The following SULT6B1 variants were observed in gnomAD, a reference collection of about 807,000 sequenced individuals.
SULT6B1 encodes the protein sulfotransferase 6B1.
Under a neutral mutation model 37.2 loss-of-function variants are expected in SULT6B1, and 44 were observed. That is an observed-to-expected ratio of 1.18 (90% CI 0.93 to 1.52). The LOEUF (loss-of-function observed/expected upper bound fraction) is 1.52. Among genes scored for constraint, SULT6B1 ranks in the 40% most tolerant of loss-of-function variants. The pLI is 0.00. For missense variants in SULT6B1, 450 were observed against 361.0 expected (o/e 1.25, Z -2.00); for synonymous variants, 140 against 126.0 (o/e 1.11, Z -0.74).
At chr2:37,188,369 C>A (rs1676716649) in intron 1 of SULT6B1, 73 bp downstream of exon 1, 2 of 1,315,624 alleles carry the variant, frequency 1.5e-6, no homozygotes, top group Non-Finnish European at 2.1e-6. Context: ...GCCTTCATCC[C>A]ACCTTTGTCT....
chr2:37,188,782 C>T, upstream of SULT6B1: 1 of 488,516 alleles, frequency 2.0e-6, no homozygotes, highest in Non-Finnish European at 3.7e-6. Context: ...ACCCCTCCCT[C>T]ACTATTACAT....
chr2:37,188,850 T>G (rs1384416230), upstream of SULT6B1, among the ~76,000 whole-genome samples: 1 of 152,202 alleles, frequency 6.6e-6, no homozygotes, highest in Non-Finnish European at 1.5e-5. Context: ...CAGGGAATAT[T>G]ACCCCAAGGG....
At chr2:37,191,178 G>T (rs1228904816), upstream of SULT6B1, 1 of 147,500 alleles carries the variant, frequency 6.8e-6, no homozygotes, top group African/African-American at 2.5e-5. Flanking sequence ...AGAGGGCATA[G>T]GTTTAATTGT....
chr2:37,170,327 T>C (rs58440283), intron 6 of SULT6B1, among the ~76,000 whole-genome samples: 34,183 of 151,424 alleles, frequency 0.23, 3,946 homozygotes, highest in South Asian at 0.35. Context: ...ATTATCTGGG[T>C]GTGGTAATGG....
intron 3 of SULT6B1, 54 bp downstream of exon 3, chr2:37,183,371 C>G (rs555619187): frequency 2.5e-5 from 34 of 1,378,220 alleles, no homozygotes; most frequent in Admixed American, 3.8e-5. Context: ...CTTCCAAAAA[C>G]TAATATCTAT....
chr2:37,169,783 A>T (rs62134992), intron 6 of SULT6B1, among the ~76,000 whole-genome samples: 1 of 152,058 alleles, frequency 6.6e-6, no homozygotes, highest in Non-Finnish European at 1.5e-5. Flanking sequence ...ATGAGCCACC[A>T]TGTCCGGCCT....
At chr2:37,186,627 C>T (rs1183126191) in intron 2 of SULT6B1, among the ~76,000 whole-genome samples, 1 of 152,130 alleles carries the variant, frequency 6.6e-6, no homozygotes, top group Non-Finnish European at 1.5e-5. Flanking sequence ...TGCGGTGGCT[C>T]ATGCCCATAA....
chr2:37,168,888 T>G (rs896240216), intron 6 of SULT6B1, among the ~76,000 whole-genome samples: 5 of 152,186 alleles, frequency 3.3e-5, no homozygotes, highest in African/African-American at 9.7e-5. Context: ...GCTGTTGAAA[T>G]GTACGTTAAT....
At chr2:37,190,215 T>C (rs1227072308), upstream of SULT6B1, among the ~76,000 whole-genome samples, 2 of 152,262 alleles carry the variant, frequency 1.3e-5, no homozygotes, top group Admixed American at 1.3e-4. Flanking sequence ...ATAAGTCAAA[T>C]ATCTATAAAT....
chr2:37,188,296 G>A (rs530436233), intron 1 of SULT6B1, 146 bp downstream of exon 1: 18 of 611,580 alleles, frequency 2.9e-5, no homozygotes, highest in Non-Finnish European at 4.3e-5. Flanking sequence ...TACAACCTAC[G>A]TACTTAACCA....
At chr2:37,191,763 C>T (rs1446740308), upstream of SULT6B1, among the ~76,000 whole-genome samples, 1 of 152,206 alleles carries the variant, frequency 6.6e-6, no homozygotes, top group East Asian at 1.9e-4. Context: ...GTATCCCCCA[C>T]CCTTCACTGG....
At chr2:37,173,454 G>A (rs1208472833) in intron 5 of SULT6B1, among the ~76,000 whole-genome samples, 4 of 151,878 alleles carry the variant, frequency 2.6e-5, no homozygotes, top group South Asian at 2.1e-4. Flanking sequence ...TTTTATCTAC[G>A]GCCCAGAACT....
At chr2:37,185,744 G>C (rs1402074845) in intron 2 of SULT6B1, among the ~76,000 whole-genome samples, 1 of 132,360 alleles carries the variant, frequency 7.6e-6, no homozygotes, top group Non-Finnish European at 1.7e-5. Flanking sequence ...AAAACAGAGA[G>C]AGAGAAATTG....
At chr2:37,174,227 CTTTTTTTTTTTTTTTT>C (rs35100458) in intron 5 of SULT6B1, among the ~76,000 whole-genome samples, 1 of 58,480 alleles carries the variant, frequency 1.7e-5, no homozygotes, top group African/African-American at 6.7e-5. Flanking sequence ...TCTTCCTATT[CTTTTTTTTTTTTTTTT>C]TTTTTTTTTG....
At chr2:37,171,860 A>G (rs958636388) in intron 5 of SULT6B1, among the ~76,000 whole-genome samples, 3 of 152,188 alleles carry the variant, frequency 2.0e-5, no homozygotes, top group African/African-American at 7.2e-5. Context: ...TGACAGTAAC[A>G]TTAATTCACA....
At chr2:37,192,806 T>C (rs1480043997), upstream of SULT6B1, among the ~76,000 whole-genome samples, 1 of 152,216 alleles carries the variant, frequency 6.6e-6, no homozygotes, top group Non-Finnish European at 1.5e-5. Flanking sequence ...CCTGTAATTA[T>C]AGGAGGATTT....
chr2:37,190,653 G>T (rs1229513880), upstream of SULT6B1, among the ~76,000 whole-genome samples: 2 of 152,196 alleles, frequency 1.3e-5, no homozygotes, highest in Non-Finnish European at 2.9e-5. Context: ...AGCAAACAGA[G>T]AAGATGGTGA....
chr2:37,173,733 C>G (rs1200237426), intron 5 of SULT6B1, among the ~76,000 whole-genome samples: 1 of 152,210 alleles, frequency 6.6e-6, no homozygotes, highest in Non-Finnish European at 1.5e-5. Context: ...GTTGGCCTTC[C>G]CTTCAACATA....
upstream of SULT6B1, among the ~76,000 whole-genome samples, chr2:37,190,412 A>T (rs1676758077): frequency 6.6e-6 from 1 of 152,218 alleles, no homozygotes; most frequent in African/African-American, 2.4e-5. Context: ...TCATTCATGT[A>T]TCAGTTAAAA....
Sources: allele counts gnomAD v4.1 joint callset (sites outside exome capture counted in the v4.1 genomes callset), GRCh38; gene constraint gnomAD v4.1.1; transcripts MANE v1.5; gene names NCBI Gene and HGNC (gene_info 2026-07-23, HGNC 2026-07-21).